Variants in VEPH1 observed in about 807,000 individuals in gnomAD.
The protein encoded by VEPH1 is ventricular zone expressed PH domain containing 1.
A neutral mutation model predicts 85.2 loss-of-function variants in VEPH1; 80 were observed. The ratio of observed to expected loss-of-function variants is 0.94; its 90% confidence interval spans 0.78 to 1.13. The LOEUF is 1.13. VEPH1 is among the 50% of genes most tolerant of loss of function. The probability of loss-of-function intolerance (pLI) is 0.00; values close to 1 mark genes in which losing one functional copy is unlikely to be tolerated. For synonymous variants in VEPH1, 297 were observed against 348.0 expected (o/e 0.85, Z 1.63); for missense variants, 955 against 980.5 (o/e 0.97, Z 0.35).
intron 6 of VEPH1, among the ~76,000 whole-genome samples, chr3:157,391,772 C>T (rs192749378): frequency 1.5e-3 from 226 of 152,200 alleles, no homozygotes; most frequent in African/African-American, 5.2e-3. Context: ...ATGAACATCA[C>T]CAAGGAATGT....
chr3:157,369,232 A>T (rs1727212664), intron 7 of VEPH1, among the ~76,000 whole-genome samples: 1 of 142,008 alleles, frequency 7.0e-6, no homozygotes, highest in Non-Finnish European at 1.5e-5. Context: ...GATGCCCATG[A>T]GAGACTGGCC....
intron 12 of VEPH1, among the ~76,000 whole-genome samples, chr3:157,272,368 C>G (rs200540547): frequency 5.0e-5 from 6 of 119,918 alleles, no homozygotes; most frequent in African/African-American, 1.9e-4. Context: ...TTCTTTCTTT[C>G]TCTTTCTTTT....
chr3:157,425,408 G>A (rs1732686228), intron 5 of VEPH1, among the ~76,000 whole-genome samples: 2 of 152,178 alleles, frequency 1.3e-5, no homozygotes, highest in Non-Finnish European at 2.9e-5. Context: ...AAGCAGCCAG[G>A]AGGGAGGCTG....
intron 4 of VEPH1, among the ~76,000 whole-genome samples, chr3:157,446,361 A>G (rs1182650066): frequency 6.6e-6 from 1 of 152,174 alleles, no homozygotes; most frequent in Non-Finnish European, 1.5e-5. Flanking sequence ...AGCAGAGCTA[A>G]TTTTTTGGCA....
intron 11 of VEPH1, among the ~76,000 whole-genome samples, chr3:157,301,713 T>C (rs906747213): frequency 5.3e-5 from 8 of 152,220 alleles, no homozygotes; most frequent in Non-Finnish European, 1.0e-4. Flanking sequence ...GGACACTTTC[T>C]TGATATCTGT....
intron 6 of VEPH1, among the ~76,000 whole-genome samples, chr3:157,384,927 C>T (rs1729134240): frequency 6.6e-6 from 1 of 152,158 alleles, no homozygotes; most frequent in Non-Finnish European, 1.5e-5. Context: ...CACCTGTAAG[C>T]CTTAATTGTG....
chr3:157,438,057 A>C (rs1445310964), intron 4 of VEPH1: 1 of 744,646 alleles, frequency 1.3e-6, no homozygotes, highest in Non-Finnish European at 2.1e-6. Context: ...ACACACACAC[A>C]CACACACACA....
chr3:157,304,038 T>TATATATATATATACACACACAC, intron 11 of VEPH1, among the ~76,000 whole-genome samples: 11 of 96,894 alleles, frequency 1.1e-4, no homozygotes, highest in African/African-American at 3.4e-4. Flanking sequence ...TATATATATA[T>TATATATATATATACACACACAC]ACACACATAC....
chr3:157,268,242 T>C (rs928699868), intron 12 of VEPH1, among the ~76,000 whole-genome samples: 1 of 152,146 alleles, frequency 6.6e-6, no homozygotes, highest in Non-Finnish European at 1.5e-5. Flanking sequence ...CCCACTGGGT[T>C]ATGCGTTCCT....
intron 12 of VEPH1, among the ~76,000 whole-genome samples, chr3:157,269,523 C>T (rs904518559): frequency 6.6e-6 from 1 of 152,030 alleles, no homozygotes; most frequent in South Asian, 2.1e-4. Flanking sequence ...TCAGTAAAAG[C>T]CAGGCTATTT....
At chr3:157,262,549 AAAG>A (rs919499264) in intron 13 of VEPH1, among the ~76,000 whole-genome samples, 4 of 152,174 alleles carry the variant, frequency 2.6e-5, no homozygotes, top group African/African-American at 9.6e-5. Context: ...TTAAAAAAAA[AAAG>A]AGAAACAATG....
chr3:157,384,038 C>T (rs1264666216), intron 6 of VEPH1, among the ~76,000 whole-genome samples: 2 of 152,136 alleles, frequency 1.3e-5, no homozygotes, highest in African/African-American at 4.8e-5. Flanking sequence ...AGACCCCCTT[C>T]TAGAAGTCAG....
intron 9 of VEPH1, among the ~76,000 whole-genome samples, chr3:157,349,822 G>A (rs1724660684): frequency 6.6e-6 from 1 of 152,106 alleles, no homozygotes; most frequent in South Asian, 2.1e-4. Flanking sequence ...AACCAAAGAG[G>A]TGGAAGACTT....
At chr3:157,396,888 GA>G (rs1730435079) in intron 6 of VEPH1, among the ~76,000 whole-genome samples, 1 of 152,048 alleles carries the variant, frequency 6.6e-6, no homozygotes, top group Admixed American at 6.6e-5. Context: ...CCATTCTGTA[GA>G]TTATCTGTTC....
chr3:157,437,513 C>A (rs778015862), intron 4 of VEPH1: 14 of 1,603,712 alleles, frequency 8.7e-6, no homozygotes, highest in Non-Finnish European at 1.0e-5. Context: ...CGTACTCTAG[C>A]CACGCCGTGC....
chr3:157,373,803 C>T (rs1324728889), intron 7 of VEPH1, among the ~76,000 whole-genome samples: 4 of 152,128 alleles, frequency 2.6e-5, no homozygotes, highest in Non-Finnish European at 4.4e-5. Flanking sequence ...TTGAACATTG[C>T]TATGTTACAG....
chr3:157,470,567 T>TA, intron 2 of VEPH1, 38 bp from the exon 3 acceptor site: 2 of 1,593,388 alleles, frequency 1.3e-6, no homozygotes, highest in Non-Finnish European at 1.7e-6. Flanking sequence ...AATAATACTC[T>TA]AGAAAGTTAT....
chr3:157,331,438 C>A (rs1722495222), intron 9 of VEPH1, among the ~76,000 whole-genome samples: 1 of 152,194 alleles, frequency 6.6e-6, no homozygotes, highest in African/African-American at 2.4e-5. Context: ...CTTCTTTCAG[C>A]CCCATGCATG....
intron 4 of VEPH1, among the ~76,000 whole-genome samples, chr3:157,447,622 T>C (rs1734650585): frequency 6.9e-6 from 1 of 144,780 alleles, no homozygotes; most frequent in Non-Finnish European, 1.5e-5. Context: ...TGAAATGGAG[T>C]CTCACTCTGT....
Sources: allele counts gnomAD v4.1 joint callset (sites outside exome capture counted in the v4.1 genomes callset), GRCh38; gene constraint gnomAD v4.1.1; transcripts MANE v1.5; gene names NCBI Gene and HGNC (gene_info 2026-07-23, HGNC 2026-07-21).